Variants in CACNA1A observed in about 807,000 individuals in gnomAD.
CACNA1A encodes calcium voltage-gated channel subunit alpha1 A.
A neutral mutation model predicts 262.4 loss-of-function variants in CACNA1A; 57 were observed. The observed-to-expected ratio is 0.22, with a 90% CI of 0.18 to 0.27. The LOEUF (loss-of-function observed/expected upper bound fraction) is 0.27. Among genes scored for constraint, CACNA1A ranks in the 10% least tolerant of loss-of-function variants. The probability of loss-of-function intolerance (pLI) is 1.00; values close to 1 mark genes in which losing one functional copy is unlikely to be tolerated. For synonymous variants in CACNA1A, 1,431 were observed against 1,419.3 expected (o/e 1.01, Z -0.18); for missense variants, 2,526 against 3,562.8 (o/e 0.71, Z 7.41).
chr19:13,311,253 C>G (rs4627496), intron 12 of CACNA1A, among the ~76,000 whole-genome samples: 93 of 152,176 alleles, frequency 6.1e-4, no homozygotes, highest in African/African-American at 2.2e-3. Context: ...CCACACCTGG[C>G]TAATTATTAT....
intron 6 of CACNA1A, among the ~76,000 whole-genome samples, chr19:13,336,402 C>A (rs2058565378): frequency 6.6e-6 from 1 of 152,268 alleles, no homozygotes; most frequent in South Asian, 2.1e-4. Context: ...CCATTCCCTG[C>A]AGCCTTAATG....
chr19:13,474,281 C>T (rs1978312491), intron 1 of CACNA1A, among the ~76,000 whole-genome samples: 1 of 152,178 alleles, frequency 6.6e-6, no homozygotes, highest in African/African-American at 2.4e-5. Flanking sequence ...AGGATATTTG[C>T]AACAGCTCCA....
At chr19:13,268,766 T>TTTTA (rs1413047482) in intron 24 of CACNA1A, among the ~76,000 whole-genome samples, 2 of 151,978 alleles carry the variant, frequency 1.3e-5, no homozygotes, top group African/African-American at 4.8e-5. Flanking sequence ...ATGGTTTAAA[T>TTTTA]GTCTACAAAT....
At chr19:13,245,072 A>T in intron 31 of CACNA1A, 110 bp downstream of exon 31, 1 of 906,612 alleles carries the variant, frequency 1.1e-6, no homozygotes, top group Non-Finnish European at 1.8e-6. Context: ...GTGCTGGCTC[A>T]AGCAGCTATG....
At position 13,444,301 on chromosome 19, in the gene CACNA1A, T is replaced by C. The variant is rs553149548; in HGVS notation, c.539+8575A>G. On this transcript the variant is annotated intron_variant, in intron 3 of 46. Transcript: ENST00000360228. ...TAAAATAAAATGCTGCTGGTATTTATAGGAACTGTTGCTGGTCTCATGAGT... is the reference window on the plus strand; with the variant it reads ...TAAAATAAAATGCTGCTGGTATTTACAGGAACTGTTGCTGGTCTCATGAGT... Among the ~76,000 whole-genome samples, 9 of 152,334 alleles carry C rather than the reference T, an allele frequency of 5.9e-5. No individual in the cohort carries two copies. The South Asian group carries it at 1.9e-3, about 32-fold the overall frequency.
At chr19:13,300,088 G>A (rs1388448569) in intron 18 of CACNA1A, among the ~76,000 whole-genome samples, 1 of 152,068 alleles carries the variant, frequency 6.6e-6, no homozygotes, top group East Asian at 1.9e-4. Context: ...GTTCCTAATA[G>A]GCCTCGGCCT....
rs1288408278 is a variant in CACNA1A at position 13,307,665 on chromosome 19, G to T, written c.1986+117C>A. 6.7e-6 allele frequency: 5 copies of T among 749,918 alleles called. No individual in the cohort carries two copies. In the East Asian group the frequency reaches 7.4e-5, roughly 11 times the overall value. The allele number at this position is 749,918 out of a possible 1,614,324, so 46.5% of individuals were successfully genotyped here. ...ACCATAAAATCTGTGTTTCAAAGTG[G>T]TGTGAAAAGGCCAGGTAGAGAAGGA... On this transcript the variant is annotated intron_variant, in intron 15 of 46. Transcript: ENST00000360228.
At chr19:13,425,163 G>A (rs1316607065) in intron 3 of CACNA1A, among the ~76,000 whole-genome samples, 1 of 152,106 alleles carries the variant, frequency 6.6e-6, no homozygotes, top group African/African-American at 2.4e-5. Flanking sequence ...TGCTGAAAAC[G>A]ATGACAAATC....
intron 3 of CACNA1A, among the ~76,000 whole-genome samples, chr19:13,428,922 G>T (rs982406294): frequency 6.6e-6 from 1 of 152,070 alleles, no homozygotes; most frequent in East Asian, 1.9e-4. Flanking sequence ...AACAACAGTG[G>T]TGTTCTCAGA....
At chr19:13,250,371 A>T (rs962291052) in intron 30 of CACNA1A, among the ~76,000 whole-genome samples, 1 of 150,232 alleles carries the variant, frequency 6.7e-6, no homozygotes. Context: ...CCAATTTTTT[A>T]AAAAATAATT....
rs540778392 is a variant in CACNA1A, at chr19:13,275,674, G to C, written c.3989+176C>G. On this transcript the variant is annotated intron_variant, in intron 24 of 46. Transcript: ENST00000360228. ...GGTCCCTTCTCCTTCTTCCTCCATG[G>C]ACATCATGCAAAAAGCCATCGAAGC... 1.5e-4 allele frequency: 96 copies of C among 633,182 alleles called. 3 individuals carry two copies. In the South Asian group the frequency reaches 1.6e-3, roughly 11 times the overall value. The allele number at this position is 633,182 out of a possible 1,614,324, so 39.2% of individuals were successfully genotyped here. A position where few individuals can be genotyped will look rare whatever the true frequency, so the allele number is the denominator to read the frequency against.
At chr19:13,444,140 A>G (rs1479390411) in intron 3 of CACNA1A, among the ~76,000 whole-genome samples, 1 of 152,220 alleles carries the variant, frequency 6.6e-6, no homozygotes, top group African/African-American at 2.4e-5. Flanking sequence ...AAAGCTTTGA[A>G]CAATAAAAAG....
intron 6 of CACNA1A, among the ~76,000 whole-genome samples, chr19:13,336,604 A>AGG (rs1568547497): frequency 0.032 from 809 of 25,096 alleles, 5 homozygotes; most frequent in South Asian, 0.074. Context: ...GGAGAGAGAG[A>AGG]GAGAGAGAGA....
chr19:13,338,350 A>T (rs765411762), intron 6 of CACNA1A, among the ~76,000 whole-genome samples: 6 of 152,188 alleles, frequency 3.9e-5, no homozygotes, highest in African/African-American at 1.4e-4. Flanking sequence ...TGTGCAGTGT[A>T]TAACTGTATG....
At chr19:13,469,870 C>T (rs995156000) in intron 1 of CACNA1A, among the ~76,000 whole-genome samples, 1 of 152,040 alleles carries the variant, frequency 6.6e-6, no homozygotes, top group Non-Finnish European at 1.5e-5. Flanking sequence ...TCAGGACCCT[C>T]TCCTGCCTTG....
chr19:13,402,011 T>C (rs1233083267), intron 3 of CACNA1A, among the ~76,000 whole-genome samples: 1 of 152,236 alleles, frequency 6.6e-6, no homozygotes, highest in Non-Finnish European at 1.5e-5. Context: ...TTCTCACTCA[T>C]GCATACTCTT....
chr19:13,228,766 C>G (rs2055562644), intron 36 of CACNA1A: 1 of 1,598,266 alleles, frequency 6.3e-7, no homozygotes, highest in Non-Finnish European at 8.5e-7. Flanking sequence ...TCGTAATAAA[C>G]TGTACATATC....
At chr19:13,270,151 T>C (rs932945761) in intron 24 of CACNA1A, among the ~76,000 whole-genome samples, 1 of 152,208 alleles carries the variant, frequency 6.6e-6, no homozygotes, top group Admixed American at 6.5e-5. Context: ...CTCAGTGATC[T>C]TGTCGGACTT....
intron 38 of CACNA1A, among the ~76,000 whole-genome samples, chr19:13,223,187 G>GTTAAT (rs776896707): frequency 2.6e-5 from 4 of 151,458 alleles, no homozygotes; most frequent in African/African-American, 7.3e-5. Context: ...ACCATGTCCA[G>GTTAAT]TTAATTTAAT....
Sources: allele counts gnomAD v4.1 joint callset (sites outside exome capture counted in the v4.1 genomes callset), GRCh38; gene constraint gnomAD v4.1.1; transcripts MANE v1.5; gene names NCBI Gene and HGNC (gene_info 2026-07-23, HGNC 2026-07-21).